Variants in WDR17 observed in about 807,000 individuals in gnomAD.
WDR17 encodes WD repeat-containing protein 17.
In WDR17, 143 loss-of-function variants were observed where a neutral mutation model predicts 161.7. The observed-to-expected ratio is 0.88, with a 90% confidence interval of 0.77 to 1.02. The LOEUF is 1.02. WDR17 is among the 50% of genes least tolerant of loss of function. The pLI is 0.00. For synonymous variants in WDR17, 517 were observed against 515.6 expected, an observed-to-expected ratio of 1.00 and a Z score of -0.04; for missense variants, 1,469 against 1,520.9, an observed-to-expected ratio of 0.97 and a Z score of 0.57.
At chr4:176,075,924 A>G (rs990378338) in intron 1 of WDR17, among the ~76,000 whole-genome samples, 1 of 152,010 alleles carries the variant, frequency 6.6e-6, no homozygotes, top group Non-Finnish European at 1.5e-5. Context: ...TGAATGTGCT[A>G]TGATCGGGAC....
chr4:176,167,658 A>C (rs13126661), intron 22 of WDR17, among the ~76,000 whole-genome samples: 4 of 69,612 alleles, frequency 5.7e-5, no homozygotes, highest in Non-Finnish European at 1.0e-4. Context: ...AAAAAAAAAA[A>C]AAAAAAAAAA....
At chr4:176,161,146 A>G (rs889899354) in intron 20 of WDR17, 144 bp downstream of exon 20, 3 of 527,558 alleles carry the variant, frequency 5.7e-6, no homozygotes, top group Non-Finnish European at 9.6e-6. Flanking sequence ...CCAGTTCCAT[A>G]CAGCATTTAC....
intron 14 of WDR17, 41 bp downstream of exon 14, chr4:176,149,997 A>C (rs1334725398): frequency 6.2e-7 from 1 of 1,609,928 alleles, no homozygotes; most frequent in Admixed American, 1.7e-5. Flanking sequence ...TTTCTAAATA[A>C]GTTTTATGAG....
intron 8 of WDR17, among the ~76,000 whole-genome samples, chr4:176,136,598 CTT>C (rs1277197836): frequency 6.6e-6 from 1 of 151,396 alleles, no homozygotes; most frequent in Non-Finnish European, 1.5e-5. Flanking sequence ...TGCATCATGA[CTT>C]TGAGGTAAGT....
Position 176,156,305 on chromosome 4 carries a change from G to A in WDR17, c.2525+162G>A, listed in dbSNP as rs139831817. ...CTGATACAGTAAATGAAATGAATCAGTTACAAGTAATTTTGGTGTTCTTGG... is the reference window on the plus strand; with the variant it reads ...CTGATACAGTAAATGAAATGAATCAATTACAAGTAATTTTGGTGTTCTTGG... On this transcript the variant is annotated intron_variant, in intron 18 of 28. Coordinates refer to ENST00000508596, the MANE Select transcript of WDR17 (RefSeq NM_181265.4). 3.2e-4 allele frequency among the ~76,000 whole-genome samples: 49 copies of A among 152,254 alleles called. 2 individuals carry two copies. The highest frequency in any genetic ancestry group is 1.1e-3 in the African/African-American group (46 of 41,560).
At chr4:176,106,555 T>C (rs1447422425) in intron 1 of WDR17, among the ~76,000 whole-genome samples, 1 of 152,142 alleles carries the variant, frequency 6.6e-6, no homozygotes, top group Non-Finnish European at 1.5e-5. Context: ...CTTCACAACA[T>C]TGGATTTGAC....
chr4:176,167,852 T>C (rs892185282), intron 22 of WDR17, among the ~76,000 whole-genome samples: 18 of 151,260 alleles, frequency 1.2e-4, no homozygotes, highest in African/African-American at 4.4e-4. Context: ...ATTGGATCTT[T>C]AATAAGTAAA....
chr4:176,174,882 A>T lies in WDR17; in HGVS notation c.3449+164A>T, dbSNP rs1463169460. Among the ~76,000 whole-genome samples, 9 of 152,216 alleles carry T rather than the reference A, an allele frequency of 5.9e-5. No homozygotes were observed. In the South Asian group the frequency reaches 1.9e-3, roughly 32 times the overall value. On this transcript the variant is annotated intron_variant, in intron 26 of 28. Transcript: ENST00000508596. ...AAAGCAGCACATAAATTAGGGATGC[A>T]TTGGGCTGTAAATAATAATAATTTG...
chr4:176,154,524 G>A (rs962403237), intron 17 of WDR17, among the ~76,000 whole-genome samples: 2 of 151,992 alleles, frequency 1.3e-5, no homozygotes, highest in Non-Finnish European at 2.9e-5. Flanking sequence ...CCATAGAATC[G>A]TTTGTAATCA....
chr4:176,087,112 A>G (rs1735518521), intron 1 of WDR17, among the ~76,000 whole-genome samples: 1 of 151,918 alleles, frequency 6.6e-6, no homozygotes. Context: ...GTTAATATTT[A>G]TTTATATTTA....
Position 176,179,563 on chromosome 4 carries a change from G to A in WDR17, c.3836G>A (p.Arg1279Gln), listed in dbSNP as rs143706533. 3.1e-4 allele frequency: 494 copies of A among 1,573,142 alleles called. No individual in the cohort carries two copies. The highest frequency in any genetic ancestry group is 4.0e-4 in the Non-Finnish European group (460 of 1,159,814). Reference protein sequence around the residue: ...NPFSPLGTGIRLNPF With the variant: ...NPFSPLGTGIQLNPF ...TTCTCACCTTTAGGGACTGGAATAC[G>A]ACTCAATCCATTCTGATAGAAGATT... The change falls in exon 29 of 29, where the codon CGA (arginine) becomes CAA (glutamine). Residue 1279 changes from arginine to glutamine, a missense_variant. Coordinates refer to ENST00000508596, the MANE Select transcript of WDR17 (RefSeq NM_181265.4).
chr4:176,121,053 C>A (rs1364723520), intron 4 of WDR17, among the ~76,000 whole-genome samples: 1 of 152,098 alleles, frequency 6.6e-6, no homozygotes, highest in African/African-American at 2.4e-5. Context: ...TGTTCATATG[C>A]TTCTTCCCCA....
At position 176,082,287 on chromosome 4, in the gene WDR17, G is replaced by C. The variant is rs146585253; in HGVS notation, c.-7+16208G>C. 5.5e-4 allele frequency among the ~76,000 whole-genome samples: 84 copies of C among 152,112 alleles called. 1 individual carries two copies. The highest frequency in any genetic ancestry group is 2.0e-3 in the African/African-American group (81 of 41,508). On this transcript the variant is annotated intron_variant, in intron 1 of 28. Transcript: ENST00000508596. ...CAATTCTGCTTGTTGTATTACTATA[G>C]ACAGTAATGACTGAATTTTAATAAC...
In WDR17 at chr4:176,142,028, T is replaced by C; in HGVS notation, c.1488T>C (p.His496=). 1 of 1,610,866 alleles carries C rather than the reference T, an allele frequency of 6.2e-7. No individual in the cohort carries two copies. The highest frequency in any genetic ancestry group is 8.5e-7 in the Non-Finnish European group (1 of 1,178,142). Residue 496 remains histidine (H), a synonymous_variant, in exon 11 of 29, where the codon CAT becomes CAC. Transcript: ENST00000508596. The part of the protein sequence containing the change: ...IDGKVLHKYK[H]PAAVFGCDWS... ...GTAAAGTGCTACACAAATATAAACA[T>C]CCAGCTGCAGTGTTTGGTTGTGATT...
chr4:176,123,817 T>G (rs916243881), intron 4 of WDR17, among the ~76,000 whole-genome samples: 1 of 152,182 alleles, frequency 6.6e-6, no homozygotes, highest in Non-Finnish European at 1.5e-5. Flanking sequence ...TAACCTTCAG[T>G]CCCTCTTCCC....
chr4:176,167,639 C>T (rs1182554954), intron 22 of WDR17, among the ~76,000 whole-genome samples: 1 of 52,292 alleles, frequency 1.9e-5, no homozygotes, highest in Non-Finnish European at 3.3e-5. Flanking sequence ...AGCGAGACTC[C>T]GTCTCAAAAA....
rs899554324 is a variant in WDR17 at position 176,177,385 on chromosome 4, A to G, written c.3549-86A>G. On this transcript the variant is annotated intron_variant, in intron 27 of 28. Transcript: ENST00000508596. ...GTCTCCATCAATAAAGGGGAACTAA[A>G]TAATCATCAGGGATAATTTCTAATC... The G allele has an allele frequency of 7.8e-6, 10 of 1,282,078 alleles. No homozygotes were observed. The Admixed American group carries it at 2.0e-4, about 25-fold the overall frequency. The allele number at this position is 1,282,078 out of a possible 1,614,324, so 79.4% of individuals were successfully genotyped here.
At position 176,182,062 on chromosome 4, in the gene WDR17, A is replaced by T. The variant is rs1049306284; in HGVS notation, c.*2483A>T. ...AAAAACAAATTTTTTAATTCATAAA[A>T]GTATTTTTATTAGATTTCATATGCA... is the stretch of plus-strand genomic sequence containing the variant. On this transcript the variant is annotated 3_prime_UTR_variant, in exon 29 of 29. Transcript: ENST00000508596. This position sits in a 1 kb window ranked among gnomAD's most constrained non-coding sequence, Gnocchi z 4.2. 1 of 152,100 alleles carries T rather than the reference A, an allele frequency of 6.6e-6. No individual in the cohort carries two copies. The allele number at this position is 152,100 out of a possible 1,614,324, so 9.4% of individuals were successfully genotyped here.
At position 176,142,179 on chromosome 4, in the gene WDR17, A is replaced by C; in HGVS notation, c.1529+110A>C. 7 of 718,660 alleles carry C rather than the reference A, an allele frequency of 9.7e-6. 1 individual carries two copies. In the South Asian group the frequency reaches 2.1e-4, roughly 21 times the overall value. 44.5% of individuals were successfully genotyped at this position (718,660 alleles called of 1,614,324 possible). A position where few individuals can be genotyped will look rare whatever the true frequency, so the allele number is the denominator to read the frequency against. The stretch of plus-strand genomic sequence containing the variant: ...GTAATATCTATCACTCTATTTATAC[A>C]ATATCCCCTTTGCCTAGCAAATGAG... On this transcript the variant is annotated intron_variant, in intron 11 of 28. Coordinates refer to ENST00000508596, the MANE Select transcript of WDR17 (RefSeq NM_181265.4).
Sources: allele counts gnomAD v4.1 joint callset (sites outside exome capture counted in the v4.1 genomes callset), GRCh38; gene constraint gnomAD v4.1.1; non-coding constraint Gnocchi (gnomAD v3.1); transcripts MANE v1.5; gene names NCBI Gene and HGNC (gene_info 2026-07-23, HGNC 2026-07-21).